Variants in PON3 observed in about 807,000 individuals in gnomAD.
PON3 encodes the protein serum paraoxonase/lactonase 3.
Under a neutral mutation model 36.3 loss-of-function variants are expected in PON3, and 37 were observed. The observed-to-expected ratio is 1.02, with a 90% CI of 0.78 to 1.34. The LOEUF (loss-of-function observed/expected upper bound fraction) is 1.34. Among genes scored for constraint, PON3 ranks in the 40% most tolerant of loss-of-function variants. The pLI, the probability that PON3 is intolerant of heterozygous loss-of-function variation, is 0.00. For missense variants in PON3, 415 were observed against 426.5 expected (o/e 0.97, Z 0.24); for synonymous variants, 155 against 154.8 (o/e 1.00, Z -0.01).
chr7:95,370,199 C>T (rs1289330971), intron 4 of PON3, among the ~76,000 whole-genome samples: 13 of 152,086 alleles, frequency 8.5e-5, no homozygotes. Context: ...GGGACATAAT[C>T]AGATTTGCAT....
At position 95,362,279 on chromosome 7, in the gene PON3, A is replaced by T. The variant is rs1275633481; in HGVS notation, c.906+83T>A. On this transcript the variant is annotated intron_variant, in intron 8 of 8. Transcript: ENST00000265627. ...CTTTAGTTCTATAACACCAAATGTGACTGGCTTAAATTCTTCCAAGTCACC... is the reference window on the plus strand; with the variant it reads ...CTTTAGTTCTATAACACCAAATGTGTCTGGCTTAAATTCTTCCAAGTCACC... 1.4e-5 allele frequency: 22 copies of T among 1,556,406 alleles called. No homozygotes were observed. In the South Asian group the frequency reaches 2.1e-4, roughly 15 times the overall value.
Position 95,386,283 on chromosome 7 carries a change from A to G in PON3, c.201+3871T>C, listed in dbSNP as rs541851005. 9.8e-5 allele frequency among the ~76,000 whole-genome samples: 15 copies of G among 152,344 alleles called. No homozygotes were observed. The East Asian group carries it at 2.9e-3, about 29-fold the overall frequency. The stretch of plus-strand genomic sequence containing the variant: ...GAGACGAATCAAATAGGTGCAATAA[A>G]AAATGATAAAGGGGATATCACCACT... On this transcript the variant is annotated intron_variant, in intron 3 of 8. Coordinates refer to ENST00000265627, the MANE Select transcript of PON3 (RefSeq NM_000940.3).
intron 8 of PON3, among the ~76,000 whole-genome samples, chr7:95,360,971 CAA>C (rs1016838898): frequency 1.3e-5 from 2 of 151,826 alleles, no homozygotes; most frequent in African/African-American, 4.8e-5. Context: ...GTAATTGTGA[CAA>C]AAAGTCTTAT....
intron 3 of PON3, among the ~76,000 whole-genome samples, chr7:95,379,890 C>G (rs1397313685): frequency 6.6e-6 from 1 of 152,206 alleles, no homozygotes; most frequent in Non-Finnish European, 1.5e-5. Flanking sequence ...GATCTGAGAA[C>G]AGAAAGACTG....
rs535267428 is a variant in PON3, at chr7:95,395,397, TA to T, written c.75-684del. On this transcript the variant is annotated intron_variant, in intron 1 of 8. Transcript: ENST00000265627. Reference sequence around the variant, plus strand: ...AATACTTATCTTACAGTCATTTATTTAAAAAAATACCCTTAGATCTACTTTA... The same window carrying T: ...AATACTTATCTTACAGTCATTTATTTAAAAAATACCCTTAGATCTACTTTA... 1.2e-4 allele frequency among the ~76,000 whole-genome samples: 19 copies of T among 152,256 alleles called. No homozygotes were observed. In the South Asian group the frequency reaches 1.7e-3, roughly 13 times the overall value.
chr7:95,375,266 GTA>G (rs1808889765), intron 3 of PON3, among the ~76,000 whole-genome samples: 1 of 150,388 alleles, frequency 6.6e-6, no homozygotes, highest in Non-Finnish European at 1.5e-5. Context: ...ATATATATAT[GTA>G]TGTGTGTATA....
At chr7:95,365,952 C>T (rs1410733619) in intron 5 of PON3, 2 of 151,026 alleles carry the variant, frequency 1.3e-5, no homozygotes, top group African/African-American at 4.9e-5. Context: ...TTACTAATTA[C>T]ATCTGCAATG....
chr7:95,376,790 G>A (rs559170900), intron 3 of PON3, among the ~76,000 whole-genome samples: 19 of 152,288 alleles, frequency 1.2e-4, no homozygotes, highest in African/African-American at 3.8e-4. Flanking sequence ...CCAAGATGGC[G>A]GAATAGGAAC....
chr7:95,366,131 C>T (rs1808687150), intron 5 of PON3, among the ~76,000 whole-genome samples: 1 of 152,172 alleles, frequency 6.6e-6, no homozygotes, highest in Non-Finnish European at 1.5e-5. Context: ...TGGGATTGTA[C>T]TCCCTAATGA....
At chr7:95,364,221 A>C (rs2116377460) in intron 5 of PON3, 158 bp from the exon 6 acceptor site, 2 of 669,948 alleles carry the variant, frequency 3.0e-6, no homozygotes, top group East Asian at 5.4e-5. Flanking sequence ...GAAAATCATG[A>C]TTCTGCATTG....
chr7:95,372,243 C>T lies in PON3; in HGVS notation c.297G>A (p.Ala99=), dbSNP rs1053275. ...TGTCAAATCCACCACTGATTTCTAG[C>T]GCTTGTGCCCTTGGGTTTTGTTCAT... ...DLNEQNPRAQ[A]LEISGGFDKE... Residue 99 remains alanine (A), a synonymous_variant, in exon 4 of 9, where the codon GCG becomes GCA. Coordinates refer to ENST00000265627, the MANE Select transcript of PON3 (RefSeq NM_000940.3). The T allele has an allele frequency of 0.51, 826,490 of 1,612,772 alleles. 218,407 individuals carry two copies. The highest frequency in any genetic ancestry group is 0.82 in the East Asian group (36,611 of 44,838).
intron 3 of PON3, among the ~76,000 whole-genome samples, chr7:95,386,145 A>T (rs1484445190): frequency 6.6e-6 from 1 of 152,224 alleles, no homozygotes; most frequent in Non-Finnish European, 1.5e-5. Context: ...GCAGAACTGA[A>T]GGAGATAGAT....
At chr7:95,395,986 T>C (rs1809423279) in intron 1 of PON3, 11 of 438,830 alleles carry the variant, frequency 2.5e-5, no homozygotes, top group South Asian at 2.3e-4. Context: ...GGGAAAGGGG[T>C]CATCACGTTC....
intron 8 of PON3, among the ~76,000 whole-genome samples, chr7:95,360,370 T>G (rs1377860073): frequency 6.6e-6 from 1 of 152,214 alleles, no homozygotes; most frequent in African/African-American, 2.4e-5. Context: ...ACAATTTTTT[T>G]AGTGCAGGCA....
At chr7:95,362,337 A>T (rs1808588420) in intron 8 of PON3, 25 bp downstream of exon 8, 1 of 1,613,246 alleles carries the variant, frequency 6.2e-7, no homozygotes, top group South Asian at 1.1e-5. Context: ...TTTGCCTGTG[A>T]GCTCAGAGAG....
Position 95,364,026 on chromosome 7 carries a change from A to G in PON3, c.532T>C (p.Tyr178His), listed in dbSNP as rs369802238. 3.7e-6 allele frequency: 6 copies of G among 1,613,800 alleles called. No homozygotes were observed. The highest frequency in any genetic ancestry group is 5.1e-6 in the Non-Finnish European group (6 of 1,179,824). Residue 178 changes from tyrosine (Y) to histidine (H), a missense_variant, in exon 6 of 9, where the codon TAT becomes CAT. Tyr to His is a moderately conservative substitution (Grantham distance 83). Coordinates refer to ENST00000265627, the MANE Select transcript of PON3 (RefSeq NM_000940.3). ...DIVVLGPEQFYATRDHYFTNS... is the reference protein window; with the variant it reads ...DIVVLGPEQFHATRDHYFTNS... ...GTAAAATAGTGGTCTCTGGTGGCAT[A>G]GAACTGTTCTGGTCCAAGAACCACA...
At chr7:95,375,576 A>G (rs1187304680) in intron 3 of PON3, among the ~76,000 whole-genome samples, 5 of 152,252 alleles carry the variant, frequency 3.3e-5, no homozygotes, top group African/African-American at 1.2e-4. Flanking sequence ...ACAGAACACA[A>G]TGGCAAGTAC....
In PON3 at chr7:95,369,176, G is replaced by A. The variant is rs374793542; in HGVS notation, c.368-1688C>T. Among the ~76,000 whole-genome samples the A allele has an allele frequency of 4.4e-4, 67 of 152,052 alleles. 1 individual carries two copies. Among genetic ancestry groups the A allele is most frequent in the Admixed American group, 1.0e-3 (16 of 15,262 alleles). On this transcript the variant is annotated intron_variant, in intron 4 of 8. Coordinates refer to ENST00000265627, the MANE Select transcript of PON3 (RefSeq NM_000940.3). ...ACTATGTGCTCTGCCTGTCCTATAG[G>A]GTTCGTTTATTTATTCATTTGATAT...
chr7:95,379,661 C>T (rs977410245), intron 3 of PON3, among the ~76,000 whole-genome samples: 14 of 152,174 alleles, frequency 9.2e-5, no homozygotes, highest in Admixed American at 2.6e-4. Context: ...GGGGGAGGGG[C>T]GCCCGCCATT....
Sources: allele counts gnomAD v4.1 joint callset (sites outside exome capture counted in the v4.1 genomes callset), GRCh38; gene constraint gnomAD v4.1.1; transcripts MANE v1.5; gene names NCBI Gene and HGNC (gene_info 2026-07-23, HGNC 2026-07-21).